Variants in PLCB2 observed in about 807,000 individuals in gnomAD.
PLCB2 encodes the protein 1-phosphatidylinositol 4,5-bisphosphate phosphodiesterase beta-2.
PLCB2 carries 115 observed loss-of-function variants against 141.7 expected under a neutral mutation model. That is an observed-to-expected ratio of 0.81 (90% confidence interval 0.70 to 0.95). The LOEUF (loss-of-function observed/expected upper bound fraction) is 0.95. Ranked by LOEUF, PLCB2 falls within the 40% of genes least tolerant of loss-of-function variation. The probability of loss-of-function intolerance (pLI) is 0.00; values close to 1 mark genes in which losing one functional copy is unlikely to be tolerated. For missense variants in PLCB2, 1,403 were observed against 1,541.1 expected (o/e 0.91, Z 1.50); for synonymous variants, 603 against 595.6 (o/e 1.01, Z -0.18).
At chr15:40,284,753 T>G (rs538829950), downstream of PLCB2, among the ~76,000 whole-genome samples, 23 of 143,122 alleles carry the variant, frequency 1.6e-4, no homozygotes, top group African/African-American at 5.8e-4. Context: ...CGCAGGAGAA[T>G]TGCTTGAACC....
intron 25 of PLCB2, 32 bp downstream of exon 25, chr15:40,291,574 T>G: frequency 6.2e-7 from 1 of 1,612,444 alleles, no homozygotes. Context: ...CCCAGGCTCA[T>G]CCCCGAGATC....
chr15:40,303,858 C>G (rs2040653603), intron 2 of PLCB2, 143 bp downstream of exon 2: 1 of 613,690 alleles, frequency 1.6e-6, no homozygotes, highest in Non-Finnish European at 3.0e-6. Flanking sequence ...GAGCCCCTGC[C>G]TACAGGGGAG....
intron 11 of PLCB2, 132 bp from the exon 12 acceptor site, chr15:40,298,091 G>A: frequency 8.4e-7 from 1 of 1,196,638 alleles, no homozygotes; most frequent in Non-Finnish European, 1.2e-6. Context: ...CCCAATCCCT[G>A]CTGGTCCCCA....
At position 40,288,481 on chromosome 15, in the gene PLCB2, G is replaced by C. The variant is rs936094868; in HGVS notation, c.*234C>G. On this transcript the variant is annotated 3_prime_UTR_variant, in exon 32 of 32. Coordinates refer to ENST00000260402, the MANE Select transcript of PLCB2 (RefSeq NM_004573.3). ...ACACTTATCTAGAGATGGAGGGGGAGGTAGGAAGTCAGCTTGAGAAGACTT... is the reference window on the plus strand; with the variant it reads ...ACACTTATCTAGAGATGGAGGGGGACGTAGGAAGTCAGCTTGAGAAGACTT... 1.6e-6 allele frequency: 2 copies of C among 1,266,854 alleles called. No homozygotes were observed. Among genetic ancestry groups the C allele is most frequent in the Non-Finnish European group, 2.0e-6 (2 of 1,006,054 alleles). The allele number at this position is 1,266,854 out of a possible 1,614,324, so 78.5% of individuals were successfully genotyped here. A position where few individuals can be genotyped will look rare whatever the true frequency, so the allele number is the denominator to read the frequency against.
rs760528362 is a variant in PLCB2 at position 40,299,158 on chromosome 15, C to T, written c.653G>A (p.Arg218Gln). The change falls in exon 8 of 32, where the codon CGG becomes CAG. Residue 218 changes from arginine to glutamine, a missense_variant. Around this residue, in one of 4 missense-constraint regions of PLCB2, gnomAD observed 975 missense variants for 1,141.1 expected, o/e 0.85. Transcript: ENST00000260402. ...YKSFLMSLCP[R>Q]PEIDEIFTSY... ...AGTGAAGATCTCATCTATTTCTGGC[C>T]GAGGACAGAGGCTCATGAGGAAACT... 5.6e-6 allele frequency: 9 copies of T among 1,613,466 alleles called. No individual in the cohort carries two copies. The East Asian group carries it at 6.7e-5, about 12-fold the overall frequency.
chr15:40,307,833 G>T lies in PLCB2; in HGVS notation c.-161C>A. Reference sequence around the variant, plus strand: ...CTCTTATAGCCCCTGGGGTGGCCCTGGCTGAGTGCAGGACTGAGCTGTAGC... The same window carrying T: ...CTCTTATAGCCCCTGGGGTGGCCCTTGCTGAGTGCAGGACTGAGCTGTAGC... On this transcript the variant is annotated 5_prime_UTR_variant, in exon 1 of 32. Coordinates refer to ENST00000260402, the MANE Select transcript of PLCB2 (RefSeq NM_004573.3). The T allele has an allele frequency of 1.9e-6, 1 of 538,240 alleles. No homozygotes were observed. The highest frequency in any genetic ancestry group is 3.2e-6 in the Non-Finnish European group (1 of 307,972). 33.3% of individuals were successfully genotyped at this position (538,240 alleles called of 1,614,324 possible).
rs1303049689 is a variant in PLCB2 at position 40,298,935 on chromosome 15, T to C, written c.713A>G (p.Lys238Arg). The C allele has an allele frequency of 6.2e-7, 1 of 1,607,852 alleles. No individual in the cohort carries two copies. The highest frequency in any genetic ancestry group is 1.3e-5 in the African/African-American group (1 of 75,052). Residue 238 changes from lysine to arginine, a missense_variant, in exon 9 of 32, where the codon AAG becomes AGG. Physicochemically the swap from Lys to Arg is conservative, Grantham distance 26 (BLOSUM62 2). Transcript: ENST00000260402. ...GTTGATGAATTTGGTCAGGTGCTCCTTCGTCATGTAGGGTTTGGCCTTAGC... is the reference window on the plus strand; with the variant it reads ...GTTGATGAATTTGGTCAGGTGCTCCCTCGTCATGTAGGGTTTGGCCTTAGC... ...YHAKAKPYMT[K>R]EHLTKFINQK...
At chr15:40,304,394 G>A (rs1455679166) in intron 1 of PLCB2, among the ~76,000 whole-genome samples, 2 of 152,112 alleles carry the variant, frequency 1.3e-5, no homozygotes, top group Non-Finnish European at 2.9e-5. Context: ...GACACAGCGA[G>A]AGCCAAGAGC....
At chr15:40,292,842 C>A in intron 21 of PLCB2, 84 bp downstream of exon 21, 1 of 835,240 alleles carries the variant, frequency 1.2e-6, no homozygotes, top group Non-Finnish European at 1.9e-6. Context: ...AGGCCTCACT[C>A]CAGGCCCCCT....
chr15:40,299,252 C>T (rs1168743048), intron 7 of PLCB2, 24 bp from the exon 8 acceptor site: 22 of 1,493,194 alleles, frequency 1.5e-5, no homozygotes, highest in Non-Finnish European at 1.8e-5. Flanking sequence ...AACCTTATTG[C>T]CCCTGCCCTC....
At position 40,288,575 on chromosome 15, in the gene PLCB2, G is replaced by A. The variant is rs1037243206; in HGVS notation, c.*140C>T. On this transcript the variant is annotated 3_prime_UTR_variant, in exon 32 of 32. Coordinates refer to ENST00000260402, the MANE Select transcript of PLCB2 (RefSeq NM_004573.3). ...TCTCAGACTCTGGCCTGGCCGTTGA[G>A]GAGGGGGCTGCAGCGTCCAAGGCAG... 1.4e-5 allele frequency: 19 copies of A among 1,389,024 alleles called. No individual in the cohort carries two copies. Among genetic ancestry groups the A allele is most frequent in the Non-Finnish European group, 1.7e-5 (18 of 1,072,012 alleles). 86.0% of individuals were successfully genotyped at this position (1,389,024 alleles called of 1,614,324 possible). A position where few individuals can be genotyped will look rare whatever the true frequency, so the allele number is the denominator to read the frequency against.
chr15:40,291,220 G>T, intron 26 of PLCB2, 37 bp from the exon 27 acceptor site: 1 of 1,569,988 alleles, frequency 6.4e-7, no homozygotes. Flanking sequence ...CTGAGATCCT[G>T]CGCCACCCGC....
chr15:40,294,290 C>A lies in PLCB2; in HGVS notation c.2037G>T (p.Val679=), dbSNP rs758728841. The A allele has an allele frequency of 1.9e-6, 3 of 1,614,014 alleles. 1 individual carries two copies. Among genetic ancestry groups the A allele is most frequent in the South Asian group, 2.2e-5 (2 of 91,090 alleles). ...CCGTAATGGAAAGGGTGGTGGCCACCACCACGTCGATGCGGTCCACTGAGA... is the reference window on the plus strand; with the variant it reads ...CCGTAATGGAAAGGGTGGTGGCCACAACCACGTCGATGCGGTCCACTGAGA... ...NPFSVDRIDV[V]VATTLSITVI... Residue 679 remains valine, a synonymous_variant, in exon 19 of 32, where the codon GTG becomes GTT. Transcript: ENST00000260402.
chr15:40,284,637 C>G (rs1398747491), downstream of PLCB2: 23 of 446,514 alleles, frequency 5.2e-5, 1 homozygote, highest in East Asian at 4.9e-4. Context: ...ATCAAGGGAT[C>G]GAGACCATCC....
rs754038664 is a variant in PLCB2 at position 40,302,613 on chromosome 15, C to G, written c.232-4G>C. On this transcript the variant is annotated splice_region_variant and splice_polypyrimidine_tract_variant and intron_variant, in intron 3 of 31. Coordinates refer to ENST00000260402, the MANE Select transcript of PLCB2 (RefSeq NM_004573.3). ...AGACGTCCCGGAGCTTCTGGCTCTG[C>G]AGCACGTGGTGGTATGGTTAGGATG... is the stretch of plus-strand genomic sequence containing the variant. 1.2e-6 allele frequency: 2 copies of G among 1,613,926 alleles called. No individual in the cohort carries two copies. Among genetic ancestry groups the G allele is most frequent in the African/African-American group, 2.7e-5 (2 of 74,948 alleles).
Position 40,288,079 on chromosome 15 carries a change from G to C in PLCB2, c.*636C>G. On this transcript the variant is annotated 3_prime_UTR_variant, in exon 32 of 32. Transcript: ENST00000260402. ...AGAGGGGTGAGCCAGGGTCAGGGTG[G>C]AACAGCACCCAAGAGCCCACTGCCC... 1.0e-6 allele frequency: 1 copy of C among 985,482 alleles called. No homozygotes were observed. The allele number at this position is 985,482 out of a possible 1,614,324, so 61.0% of individuals were successfully genotyped here.
intron 29 of PLCB2, 105 bp from the exon 30 acceptor site, chr15:40,290,187 G>A (rs2039811444): frequency 1.3e-6 from 1 of 780,232 alleles, no homozygotes; most frequent in Non-Finnish European, 2.3e-6. Flanking sequence ...CCAACATAGG[G>A]CAGGAACCAG....
chr15:40,295,063 G>C lies in PLCB2; in HGVS notation c.1782-3C>G. The stretch of plus-strand genomic sequence containing the variant: ...GGCTCATCTGGCGCTTGTTGTAGCT[G>C]TCCCTGAGTTTAGGACCCTAGCCAA... On this transcript the variant is annotated splice_polypyrimidine_tract_variant and splice_region_variant and intron_variant, in intron 17 of 31. Transcript: ENST00000260402. 6.2e-7 allele frequency: 1 copy of C among 1,612,114 alleles called. No individual in the cohort carries two copies. The highest frequency in any genetic ancestry group is 2.2e-5 in the East Asian group (1 of 44,820).
chr15:40,304,019 G>T lies in PLCB2; in HGVS notation c.144C>A (p.Tyr48Ter). Reference protein sequence around the residue: ...LRVDPKGYYLYWTYQSKEMEF... With the variant: ...LRVDPKGYYL Reference sequence around the variant, plus strand: ...TTCTCACCTTACTTTGATACGTCCAGTATAAGTAGTAGCCCTTAGGATCCA... The same window carrying T: ...TTCTCACCTTACTTTGATACGTCCATTATAAGTAGTAGCCCTTAGGATCCA... Residue 48 changes from tyrosine (Y) to a stop codon, truncating the protein, a stop_gained, in exon 2 of 32, where the codon TAC becomes TAA. Coordinates refer to ENST00000260402, the MANE Select transcript of PLCB2 (RefSeq NM_004573.3). LOFTEE classifies it high-confidence loss of function. The T allele has an allele frequency of 1.3e-6, 2 of 1,594,700 alleles. No homozygotes were observed. The highest frequency in any genetic ancestry group is 1.7e-6 in the Non-Finnish European group (2 of 1,170,128).
Sources: allele counts gnomAD v4.1 joint callset (sites outside exome capture counted in the v4.1 genomes callset), GRCh38; gene constraint gnomAD v4.1.1; regional missense constraint gnomAD v4.1.1; transcripts MANE v1.5; gene names NCBI Gene and HGNC (gene_info 2026-07-23, HGNC 2026-07-21).